The following CLDN10 variants were observed in gnomAD, a reference collection of about 807,000 sequenced individuals.
CLDN10 encodes the protein claudin-10.
CLDN10 carries 15 observed loss-of-function variants against 22.9 expected under a neutral mutation model. The ratio of observed to expected loss-of-function variants is 0.65; its 90% confidence interval spans 0.44 to 1.01. The LOEUF (loss-of-function observed/expected upper bound fraction) is 1.01, where lower values mean the gene tolerates loss of function less well. Ranked by LOEUF, CLDN10 falls within the 50% of genes least tolerant of loss-of-function variation. CLDN10 has a pLI of 0.00. For synonymous variants in CLDN10, 114 were observed against 111.4 expected, an observed-to-expected ratio of 1.02 and a Z score of -0.15; for missense variants, 247 against 287.8, an observed-to-expected ratio of 0.86 and a Z score of 1.03.
In CLDN10 at chr13:95,578,031, G is replaced by A. The variant is rs766107462; in HGVS notation, c.*17G>A. The A allele has an allele frequency of 7.5e-6, 11 of 1,457,182 alleles. No homozygotes were observed. The South Asian group carries it at 1.0e-4, about 14-fold the overall frequency. 90.3% of individuals were successfully genotyped at this position (1,457,182 alleles called of 1,614,324 possible). On this transcript the variant is annotated 3_prime_UTR_variant, in exon 5 of 5. Coordinates refer to ENST00000299339, the MANE Select transcript of CLDN10 (RefSeq NM_006984.5). ...TATGTCTAAAAGAGCTCGCTGGCAA[G>A]CTGCCTCTTGAGTTTGTTATAAAAG... is the stretch of plus-strand genomic sequence containing the variant.
chr13:95,495,886 C>G (rs1261430438), intron 1 of CLDN10, among the ~76,000 whole-genome samples: 1 of 152,038 alleles, frequency 6.6e-6, no homozygotes, highest in African/African-American at 2.4e-5. Context: ...CATTTTTTAT[C>G]CTATCCTCCT....
intron 1 of CLDN10, among the ~76,000 whole-genome samples, chr13:95,542,278 G>A (rs2043467447): frequency 6.6e-6 from 1 of 152,218 alleles, no homozygotes. Context: ...TTCTACATGA[G>A]ATGTGGTGCA....
chr13:95,471,074 G>T (rs906046534), intron 1 of CLDN10, among the ~76,000 whole-genome samples: 1 of 152,136 alleles, frequency 6.6e-6, no homozygotes, highest in Non-Finnish European at 1.5e-5. Context: ...AAAGGGTAAA[G>T]TCCTAGCCTC....
chr13:95,546,981 G>A (rs1231425485), intron 1 of CLDN10, among the ~76,000 whole-genome samples: 1 of 151,534 alleles, frequency 6.6e-6, no homozygotes, highest in Non-Finnish European at 1.5e-5. Flanking sequence ...TTTAGAGACA[G>A]GCAGGCTGGT....
At chr13:95,463,001 C>G (rs539357384) in intron 1 of CLDN10, among the ~76,000 whole-genome samples, 1 of 152,112 alleles carries the variant, frequency 6.6e-6, no homozygotes, top group South Asian at 2.1e-4. Flanking sequence ...AGGACTGAGG[C>G]CTTCAGAGCC....
At chr13:95,536,826 C>G (rs2043405520) in intron 1 of CLDN10, among the ~76,000 whole-genome samples, 1 of 152,032 alleles carries the variant, frequency 6.6e-6, no homozygotes, top group Non-Finnish European at 1.5e-5. Flanking sequence ...ATTGAAATGT[C>G]TTAACAATCT....
At chr13:95,454,625 T>C (rs1452596074) in intron 1 of CLDN10, among the ~76,000 whole-genome samples, 1 of 151,852 alleles carries the variant, frequency 6.6e-6, no homozygotes, top group Non-Finnish European at 1.5e-5. Context: ...AGAAGATTAG[T>C]GGAGAGGCAG....
chr13:95,533,152 T>C (rs1391892620), intron 1 of CLDN10, among the ~76,000 whole-genome samples: 2 of 151,216 alleles, frequency 1.3e-5, no homozygotes, highest in Non-Finnish European at 2.9e-5. Context: ...TAGCTAGTGA[T>C]ATGCTTGCTG....
chr13:95,547,960 C>T (rs142945350), upstream of CLDN10, among the ~76,000 whole-genome samples: 120 of 152,240 alleles, frequency 7.9e-4, no homozygotes, highest in African/African-American at 2.6e-3. Flanking sequence ...TTGATGTTAT[C>T]TGTGAATGAC....
intron 3 of CLDN10, among the ~76,000 whole-genome samples, chr13:95,573,469 A>G (rs2043887085): frequency 6.6e-6 from 1 of 152,236 alleles, no homozygotes; most frequent in Admixed American, 6.5e-5. Context: ...ATTGTTCACA[A>G]AAGACCTGCA....
intron 1 of CLDN10, among the ~76,000 whole-genome samples, chr13:95,555,265 C>T (rs994092312): frequency 9.2e-5 from 14 of 152,106 alleles, no homozygotes; most frequent in African/African-American, 2.4e-4. Context: ...TTAGGCTGAT[C>T]GCGAACTCCT....
At chr13:95,489,843 GT>G (rs1227749059) in intron 1 of CLDN10, among the ~76,000 whole-genome samples, 1 of 152,150 alleles carries the variant, frequency 6.6e-6, no homozygotes, top group Non-Finnish European at 1.5e-5. Context: ...AATATTTATA[GT>G]TTCAGGTCTT....
intron 1 of CLDN10, among the ~76,000 whole-genome samples, chr13:95,479,002 T>C (rs1244850060): frequency 6.6e-6 from 1 of 152,206 alleles, no homozygotes; most frequent in Non-Finnish European, 1.5e-5. Context: ...GTTAAGTGCC[T>C]GTGAGAGCAA....
chr13:95,563,533 TA>T (rs1302555178), intron 3 of CLDN10, among the ~76,000 whole-genome samples: 1 of 152,146 alleles, frequency 6.6e-6, no homozygotes. Context: ...ATATAGACTA[TA>T]AAAAACCTGA....
At chr13:95,541,274 G>C (rs1162258450) in intron 1 of CLDN10, among the ~76,000 whole-genome samples, 1 of 152,230 alleles carries the variant, frequency 6.6e-6, no homozygotes, top group Non-Finnish European at 1.5e-5. Context: ...GCAAGTTACT[G>C]TTCTTTGCTT....
intron 1 of CLDN10, chr13:95,480,004 G>A (rs1322063797): frequency 2.6e-5 from 4 of 152,348 alleles, no homozygotes; most frequent in Non-Finnish European, 4.4e-5. Context: ...TATAAAGGAA[G>A]GAGGTTTAAT....
intron 1 of CLDN10, among the ~76,000 whole-genome samples, chr13:95,448,784 G>A (rs2042405606): frequency 7.2e-6 from 1 of 139,404 alleles, no homozygotes; most frequent in African/African-American, 2.6e-5. Context: ...CTCTCGCCCA[G>A]TTTGGAGTTC....
intron 1 of CLDN10, among the ~76,000 whole-genome samples, chr13:95,434,538 C>CACACAT (rs55732645): frequency 6.7e-6 from 1 of 149,186 alleles, no homozygotes; most frequent in African/African-American, 2.5e-5. Context: ...TATATGCACA[C>CACACAT]GTGTGTATAT....
chr13:95,465,295 C>T (rs1486865044), intron 1 of CLDN10, among the ~76,000 whole-genome samples: 1 of 152,106 alleles, frequency 6.6e-6, no homozygotes, highest in Non-Finnish European at 1.5e-5. Context: ...TCCCACAACA[C>T]GTGGGAATTA....
Sources: gnomAD v4.1 joint callset for allele counts (sites outside exome capture counted in the v4.1 genomes callset) on GRCh38, gnomAD v4.1.1 for gene constraint, MANE v1.5 for transcripts, NCBI Gene and HGNC (gene_info 2026-07-23, HGNC 2026-07-21) for gene names.